The following RASGRF1 variants were observed in gnomAD, a reference collection of about 807,000 sequenced individuals.
RASGRF1 encodes ras-specific guanine nucleotide-releasing factor 1.
A neutral mutation model predicts 138.7 loss-of-function variants in RASGRF1; 40 were observed. That is an observed-to-expected ratio of 0.29 (90% confidence interval 0.22 to 0.38). RASGRF1 has a LOEUF of 0.38. Ranked by LOEUF, RASGRF1 falls within the 10% of genes least tolerant of loss-of-function variation. The pLI is 1.00. For synonymous variants in RASGRF1, 614 were observed against 663.2 expected (o/e 0.93, Z 1.14); for missense variants, 1,108 against 1,650.4 (o/e 0.67, Z 5.69).
intron 1 of RASGRF1, chr15:79,064,813 T>G: frequency 2.3e-6 from 1 of 436,414 alleles, no homozygotes; most frequent in Non-Finnish European, 4.1e-6. Flanking sequence ...TTTGAAATCA[T>G]CAGGCGCGCT....
intron 1 of RASGRF1, among the ~76,000 whole-genome samples, chr15:79,086,449 C>T (rs938512762): frequency 2.0e-5 from 3 of 152,130 alleles, no homozygotes; most frequent in Non-Finnish European, 4.4e-5. Flanking sequence ...TCATTAACCT[C>T]GGGGCTGTTG....
At chr15:78,978,155 A>G (rs375483954) in intron 24 of RASGRF1, among the ~76,000 whole-genome samples, 2 of 150,654 alleles carry the variant, frequency 1.3e-5, no homozygotes, top group South Asian at 2.1e-4. Flanking sequence ...CAATAAGGCC[A>G]TTCTCCAGCC....
intron 8 of RASGRF1, among the ~76,000 whole-genome samples, chr15:79,031,062 C>T (rs2057128812): frequency 6.6e-6 from 1 of 152,232 alleles, no homozygotes; most frequent in African/African-American, 2.4e-5. Flanking sequence ...CCTCCTATGG[C>T]CACAGGTTTT....
intron 1 of RASGRF1, among the ~76,000 whole-genome samples, chr15:79,082,018 A>G (rs1257105711): frequency 6.6e-6 from 1 of 152,208 alleles, no homozygotes; most frequent in Admixed American, 6.5e-5. Flanking sequence ...CTCTGAGCTT[A>G]CACTCACACC....
chr15:78,985,687 A>C (rs2056138140), intron 22 of RASGRF1: 1 of 155,274 alleles, frequency 6.4e-6, no homozygotes, highest in Non-Finnish European at 1.4e-5. Context: ...AGGCCGAGGC[A>C]GGCGAATCAT....
intron 1 of RASGRF1, among the ~76,000 whole-genome samples, chr15:79,087,880 C>G (rs939516324): frequency 6.6e-6 from 1 of 152,162 alleles, no homozygotes; most frequent in Non-Finnish European, 1.5e-5. Flanking sequence ...CAGAAATTTG[C>G]GCCAGACCAT....
intron 20 of RASGRF1, 33 bp downstream of exon 20, chr15:78,995,707 G>A (rs1287063172): frequency 1.1e-5 from 18 of 1,613,110 alleles, no homozygotes; most frequent in Non-Finnish European, 1.4e-5. Flanking sequence ...GGGGAGGAAA[G>A]CCTTGGAAAG....
intron 22 of RASGRF1, among the ~76,000 whole-genome samples, chr15:78,986,939 A>G (rs2056171374): frequency 6.6e-6 from 1 of 152,212 alleles, no homozygotes; most frequent in Non-Finnish European, 1.5e-5. Context: ...CCATCAAGAG[A>G]ACATGGAACT....
chr15:78,979,241 G>A (rs1385920203), intron 24 of RASGRF1: 11 of 1,201,416 alleles, frequency 9.2e-6, no homozygotes, highest in East Asian at 5.9e-5. Flanking sequence ...TGGTCAAGGC[G>A]ATGGCACACA....
Position 79,049,691 on chromosome 15 carries a change from G to T in RASGRF1, c.532-103C>A. ...GAACAGGGTGGCAGCCGAGTGCCCT[G>T]CCTCTTCTTCCCCAAGAGCCATGAT... On this transcript the variant is annotated intron_variant, in intron 3 of 26. Transcript: ENST00000558480. 5.6e-6 allele frequency: 5 copies of T among 887,386 alleles called. No individual in the cohort carries two copies. The South Asian group carries it at 6.7e-5, about 12-fold the overall frequency. The allele number at this position is 887,386 out of a possible 1,614,324, so 55.0% of individuals were successfully genotyped here. A position where few individuals can be genotyped will look rare whatever the true frequency, so the allele number is the denominator to read the frequency against.
chr15:78,981,964 T>A (rs146041423), intron 23 of RASGRF1, among the ~76,000 whole-genome samples: 6 of 152,286 alleles, frequency 3.9e-5, no homozygotes, highest in African/African-American at 1.4e-4. Context: ...CTCCTTCCTT[T>A]TCTTCTCCAT....
rs59652563 is a variant in RASGRF1, at chr15:78,973,063, T to C, written c.3612+240A>G. ...GTGCAGAATAAGAAGAGCAGCTACC[T>C]CTCAGACTGTCAGGACTAGAGGAGG... is the stretch of plus-strand genomic sequence containing the variant. On this transcript the variant is annotated intron_variant, in intron 25 of 26. Coordinates refer to ENST00000558480, the MANE Select transcript of RASGRF1 (RefSeq NM_001145648.3). This position sits in a 1 kb window ranked among gnomAD's most constrained non-coding sequence, Gnocchi z 4.9. Among the ~76,000 whole-genome samples the C allele has an allele frequency of 0.036, 5,466 of 152,174 alleles. 331 individuals carry two copies. The highest frequency in any genetic ancestry group is 0.12 in the African/African-American group (5,170 of 41,494).
At chr15:79,004,709 G>T in intron 14 of RASGRF1, 1 of 985,958 alleles carries the variant, frequency 1.0e-6, no homozygotes, top group Non-Finnish European at 1.2e-6. Flanking sequence ...GCTGAAAGTG[G>T]CCCCTACCAT....
chr15:78,992,648 G>A (rs1049560100), intron 20 of RASGRF1, among the ~76,000 whole-genome samples: 4 of 152,204 alleles, frequency 2.6e-5, no homozygotes, highest in African/African-American at 9.7e-5. Context: ...GGGCCACACA[G>A]GAGGAGAGCG....
rs1169790564 is a variant in RASGRF1 at position 79,004,162 on chromosome 15, G to A, written c.2089C>T (p.Leu697=). The A allele has an allele frequency of 1.3e-6, 2 of 1,584,808 alleles. No individual in the cohort carries two copies. The highest frequency in any genetic ancestry group is 1.3e-5 in the African/African-American group (1 of 74,284). ...TTATTGTTCTGGCCACTGGCAAACA[G>A]GAGCTCCAGCGACCTGTGGGGAGGG... ...SAIPARSLEL[L]FASGQNNKLL... Residue 697 remains leucine, a synonymous_variant, in exon 15 of 27, where the codon CTG becomes TTG. Transcript: ENST00000558480.
At position 79,049,601 on chromosome 15, in the gene RASGRF1, C is replaced by T; in HGVS notation, c.532-13G>A. On this transcript the variant is annotated splice_polypyrimidine_tract_variant and intron_variant, in intron 3 of 26. Coordinates refer to ENST00000558480, the MANE Select transcript of RASGRF1 (RefSeq NM_001145648.3). ...GCAGGGATGTGATCTGCAACAGCAA[C>T]ACAGGTCAGCCTGTGAGGGGCGCTG... 6.2e-7 allele frequency: 1 copy of T among 1,608,842 alleles called. No individual in the cohort carries two copies.
In RASGRF1 at chr15:78,969,046, T is replaced by C. The variant is rs560019166; in HGVS notation, c.3681+2820A>G. The stretch of plus-strand genomic sequence containing the variant: ...CCACCTGTCCCTGTTGTATTTGCAG[T>C]TGAGTTCAATCTCTCTCCCCCAAGA... On this transcript the variant is annotated intron_variant, in intron 26 of 26. Transcript: ENST00000558480. 8.5e-5 allele frequency among the ~76,000 whole-genome samples: 13 copies of C among 152,364 alleles called. No homozygotes were observed. In the South Asian group the frequency reaches 1.2e-3, roughly 15 times the overall value.
intron 1 of RASGRF1, among the ~76,000 whole-genome samples, chr15:79,076,707 C>T (rs1007042191): frequency 7.9e-5 from 12 of 152,178 alleles, no homozygotes; most frequent in Admixed American, 5.9e-4. Flanking sequence ...GAGACCCAGA[C>T]GTGTATTTTC....
intron 24 of RASGRF1, among the ~76,000 whole-genome samples, chr15:78,978,058 ATAGT>A (rs1305915641): frequency 1.3e-5 from 2 of 152,186 alleles, no homozygotes; most frequent in African/African-American, 4.8e-5. Flanking sequence ...AGGGGCACAC[ATAGT>A]TAGGGCTGTT....
Sources: allele counts gnomAD v4.1 joint callset (sites outside exome capture counted in the v4.1 genomes callset), GRCh38; gene constraint gnomAD v4.1.1; non-coding constraint Gnocchi (gnomAD v3.1); transcripts MANE v1.5; gene names NCBI Gene and HGNC (gene_info 2026-07-23, HGNC 2026-07-21).